The following C8A variants were observed in gnomAD, a reference collection of about 807,000 sequenced individuals.
C8A encodes complement component C8 alpha chain.
C8A carries 67 observed loss-of-function variants against 65.3 expected under a neutral mutation model. That is an observed-to-expected ratio of 1.03 (90% CI 0.84 to 1.26). The LOEUF is 1.26. Ranked by LOEUF, C8A falls within the 50% of genes most tolerant of loss-of-function variation. The probability of loss-of-function intolerance (pLI) is 0.00; values close to 1 mark genes in which losing one functional copy is unlikely to be tolerated. For missense variants in C8A, 781 were observed against 723.9 expected, an observed-to-expected ratio of 1.08 and a Z score of -0.90; for synonymous variants, 290 against 259.4, an observed-to-expected ratio of 1.12 and a Z score of -1.13.
intron 9 of C8A, among the ~76,000 whole-genome samples, chr1:56,912,188 A>G (rs1644513061): frequency 6.6e-6 from 1 of 152,226 alleles, no homozygotes; most frequent in African/African-American, 2.4e-5. Context: ...CCAGTCACTT[A>G]AACACTGAGC....
intron 7 of C8A, among the ~76,000 whole-genome samples, chr1:56,890,647 G>C (rs1434388823): frequency 2.6e-5 from 4 of 152,042 alleles, no homozygotes; most frequent in African/African-American, 9.7e-5. Flanking sequence ...TGTTGTTGTT[G>C]TTGCAGGTGT....
chr1:56,874,815 A>G (rs1361591994), intron 2 of C8A, 134 bp from the exon 3 acceptor site: 19 of 1,013,814 alleles, frequency 1.9e-5, no homozygotes, highest in Non-Finnish European at 2.8e-5. Flanking sequence ...TTCATCCCTC[A>G]AAAGACAGCT....
chr1:56,914,818 C>T (rs1644538438), intron 10 of C8A, among the ~76,000 whole-genome samples: 1 of 151,676 alleles, frequency 6.6e-6, no homozygotes, highest in African/African-American at 2.4e-5. Flanking sequence ...GCTGGGACTA[C>T]AGGCATGCAC....
rs1644562856 is a variant in C8A at position 56,917,601 on chromosome 1, C to G, written c.1640C>G (p.Ser547Cys). The G allele has an allele frequency of 1.2e-6, 2 of 1,614,050 alleles. No homozygotes were observed. The highest frequency in any genetic ancestry group is 2.7e-5 in the African/African-American group (2 of 74,928). Reference sequence around the variant, plus strand: ...GATGGGAGCTGGAGTTGCTGGAGCTCCTGGTCTGTATGCAGAGCAGGCATC... The same window carrying G: ...GATGGGAGCTGGAGTTGCTGGAGCTGCTGGTCTGTATGCAGAGCAGGCATC... ...KADGSWSCWS[S>C]WSVCRAGIQE... is the part of the protein sequence containing the mutation. Residue 547 changes from serine to cysteine, a missense_variant, in exon 11 of 11, where the codon TCC becomes TGC. Physicochemically the swap from Ser to Cys is moderately radical, Grantham distance 112 (BLOSUM62 -1). Transcript: ENST00000361249.
intron 7 of C8A, among the ~76,000 whole-genome samples, chr1:56,897,902 C>T (rs1016777055): frequency 1.4e-4 from 22 of 152,118 alleles, no homozygotes; most frequent in Non-Finnish European, 7.4e-5. Flanking sequence ...GAGAAATGTG[C>T]AGTCAGTTGG....
intron 4 of C8A, 98 bp downstream of exon 4, chr1:56,876,307 T>A: frequency 1.4e-6 from 2 of 1,416,162 alleles, no homozygotes; most frequent in Non-Finnish European, 2.0e-6. Flanking sequence ...TTTGGAGGGT[T>A]CCTCTGGAGT....
At chr1:56,855,849 T>C (rs1418251855) in intron 1 of C8A, among the ~76,000 whole-genome samples, 1 of 152,132 alleles carries the variant, frequency 6.6e-6, no homozygotes, top group Non-Finnish European at 1.5e-5. Flanking sequence ...TAAGTAACAG[T>C]TCAGAAGGGA....
chr1:56,890,229 C>T (rs550086706), intron 7 of C8A, among the ~76,000 whole-genome samples: 2 of 152,236 alleles, frequency 1.3e-5, no homozygotes, highest in Non-Finnish European at 2.9e-5. Context: ...GTCTTGCCAA[C>T]CTGACAAACT....
chr1:56,912,705 C>T lies in C8A; in HGVS notation c.1603+80C>T, dbSNP rs572096376. 51 of 1,314,498 alleles carry T rather than the reference C, an allele frequency of 3.9e-5. 1 individual carries two copies. The highest frequency in any genetic ancestry group is 2.6e-4 in the Middle Eastern group (1 of 3,910). 81.4% of individuals were successfully genotyped at this position (1,314,498 alleles called of 1,614,324 possible). A position where few individuals can be genotyped will look rare whatever the true frequency, so the allele number is the denominator to read the frequency against. ...GTGCAAAAAGGACTTTTGGGGTTCC[C>T]GGCCCCTCCTTTTGGAGCTCTCCTA... is the stretch of plus-strand genomic sequence containing the variant. On this transcript the variant is annotated intron_variant, in intron 10 of 10. Coordinates refer to ENST00000361249, the MANE Select transcript of C8A (RefSeq NM_000562.3).
At chr1:56,905,108 A>T (rs541438719) in intron 7 of C8A, among the ~76,000 whole-genome samples, 1 of 152,360 alleles carries the variant, frequency 6.6e-6, no homozygotes, top group South Asian at 2.1e-4. Flanking sequence ...TTAGTAATGC[A>T]TTAAAAATTA....
intron 1 of C8A, among the ~76,000 whole-genome samples, chr1:56,864,473 C>T (rs1644065028): frequency 6.6e-6 from 1 of 152,020 alleles, no homozygotes; most frequent in Non-Finnish European, 1.5e-5. Context: ...AGTGGGAATC[C>T]CCTTAAGCAT....
Position 56,883,463 on chromosome 1 carries a change from T to C in C8A, c.655-18T>C, listed in dbSNP as rs1644263597. On this transcript the variant is annotated intron_variant, in intron 5 of 10. Coordinates refer to ENST00000361249, the MANE Select transcript of C8A (RefSeq NM_000562.3). ...GCTCTATGTGCACAAAGCTAATATC[T>C]ATCCTTTTTTTTTTCAGGCCCTGGC... 1.9e-6 allele frequency: 3 copies of C among 1,602,710 alleles called. No homozygotes were observed. The highest frequency in any genetic ancestry group is 1.7e-6 in the Non-Finnish European group (2 of 1,169,946).
At chr1:56,896,252 A>G (rs770029229) in intron 7 of C8A, among the ~76,000 whole-genome samples, 7 of 152,226 alleles carry the variant, frequency 4.6e-5, no homozygotes, top group Non-Finnish European at 1.0e-4. Flanking sequence ...ATTTATTACA[A>G]TGAATTGGTT....
intron 1 of C8A, among the ~76,000 whole-genome samples, chr1:56,861,659 A>G (rs1163440805): frequency 6.6e-6 from 1 of 152,216 alleles, no homozygotes; most frequent in Non-Finnish European, 1.5e-5. Context: ...AAGTAAAACA[A>G]AACTAGACAA....
chr1:56,885,392 T>A (rs1644287090), intron 6 of C8A, among the ~76,000 whole-genome samples: 1 of 110,126 alleles, frequency 9.1e-6, no homozygotes, highest in Non-Finnish European at 1.8e-5. Context: ...AAATATATAT[T>A]TAAATAAATA....
At chr1:56,913,569 G>A (rs1319009450) in intron 10 of C8A, among the ~76,000 whole-genome samples, 1 of 152,112 alleles carries the variant, frequency 6.6e-6, no homozygotes, top group Non-Finnish European at 1.5e-5. Context: ...CATCTTTCTG[G>A]GGCTTAGCTT....
At chr1:56,910,916 G>A (rs1286435423) in intron 9 of C8A, among the ~76,000 whole-genome samples, 6 of 152,172 alleles carry the variant, frequency 3.9e-5, no homozygotes, top group African/African-American at 9.7e-5. Flanking sequence ...CTGTGACCTT[G>A]GCAAATCACT....
chr1:56,864,098 T>A (rs1031898506), intron 1 of C8A, among the ~76,000 whole-genome samples: 1 of 152,144 alleles, frequency 6.6e-6, no homozygotes, highest in African/African-American at 2.4e-5. Flanking sequence ...AGTTTGATAA[T>A]TAAGAATTGA....
At chr1:56,881,953 G>A (rs1644252203) in intron 5 of C8A, among the ~76,000 whole-genome samples, 1 of 152,144 alleles carries the variant, frequency 6.6e-6, no homozygotes, top group Admixed American at 6.6e-5. Flanking sequence ...ATACAAGACT[G>A]TTAGCAGCTA....
Sources: allele counts gnomAD v4.1 joint callset (sites outside exome capture counted in the v4.1 genomes callset), GRCh38; gene constraint gnomAD v4.1.1; transcripts MANE v1.5; gene names NCBI Gene and HGNC (gene_info 2026-07-23, HGNC 2026-07-21).